The following ITGA8 variants were observed in gnomAD, a reference collection of about 807,000 sequenced individuals.
ITGA8 encodes integrin subunit alpha 8, also known as integrin alpha-8.
ITGA8 carries 91 observed loss-of-function variants against 142.3 expected under a neutral mutation model. The ratio of observed to expected loss-of-function variants is 0.64; its 90% CI spans 0.54 to 0.76. The LOEUF (loss-of-function observed/expected upper bound fraction) is 0.76. ITGA8 is among the 30% of genes least tolerant of loss of function. ITGA8 has a pLI of 0.00. For synonymous variants in ITGA8, 505 were observed against 485.2 expected, an observed-to-expected ratio of 1.04 and a Z score of -0.54; for missense variants, 1,406 against 1,327.7, an observed-to-expected ratio of 1.06 and a Z score of -0.92.
chr10:15,667,716 G>A (rs1834423604), intron 8 of ITGA8, among the ~76,000 whole-genome samples: 1 of 151,912 alleles, frequency 6.6e-6, no homozygotes, highest in Admixed American at 6.6e-5. Context: ...CTGGTATGTT[G>A]TGTCTTTGTT....
chr10:15,634,980 A>AAATATTT (rs1833746392), intron 13 of ITGA8, among the ~76,000 whole-genome samples: 1 of 151,326 alleles, frequency 6.6e-6, no homozygotes, highest in Non-Finnish European at 1.5e-5. Flanking sequence ...TAATTTCACT[A>AAATATTT]AATATTTTTT....
chr10:15,542,874 G>A (rs925467368), intron 27 of ITGA8, among the ~76,000 whole-genome samples: 11 of 152,196 alleles, frequency 7.2e-5, no homozygotes, highest in South Asian at 2.1e-4. Flanking sequence ...GCTACATGGC[G>A]ATCACTCAAT....
At chr10:15,647,954 T>C (rs1317515551) in intron 11 of ITGA8, among the ~76,000 whole-genome samples, 1 of 152,196 alleles carries the variant, frequency 6.6e-6, no homozygotes, top group Non-Finnish European at 1.5e-5. Flanking sequence ...AACTAATATG[T>C]AATTTTTAAG....
chr10:15,718,632 C>A, intron 2 of ITGA8, 134 bp downstream of exon 2: 1 of 1,098,480 alleles, frequency 9.1e-7, no homozygotes, highest in Non-Finnish European at 1.3e-6. Flanking sequence ...CTCTAGAGAC[C>A]CACATAGCCC....
Position 15,688,954 on chromosome 10 carries a change from C to T in ITGA8, c.344-916G>A, listed in dbSNP as rs117107528. Among the ~76,000 whole-genome samples, 1,013 of 152,262 alleles carry T rather than the reference C, an allele frequency of 6.7e-3. 5 individuals carry two copies. The highest frequency in any genetic ancestry group is 0.011 in the Non-Finnish European group (773 of 68,024). On this transcript the variant is annotated intron_variant, in intron 2 of 29. Transcript: ENST00000378076. The stretch of plus-strand genomic sequence containing the variant: ...GATCAGGAACAAATGCTCACTCTCC[C>T]CACTTCCATTCAACATAGAACTTTT...
intron 29 of ITGA8, among the ~76,000 whole-genome samples, chr10:15,518,992 T>C (rs1833009643): frequency 6.6e-6 from 1 of 152,188 alleles, no homozygotes; most frequent in African/African-American, 2.4e-5. Context: ...ACTCTAAGCA[T>C]ATTGGAAAGA....
intron 26 of ITGA8, among the ~76,000 whole-genome samples, chr10:15,553,567 C>A (rs546637208): frequency 6.6e-6 from 1 of 152,304 alleles, no homozygotes; most frequent in African/African-American, 2.4e-5. Flanking sequence ...ACCACCATCA[C>A]CTCCATCCAA....
intron 26 of ITGA8, among the ~76,000 whole-genome samples, chr10:15,551,397 C>T (rs904656483): frequency 2.0e-5 from 3 of 151,382 alleles, no homozygotes; most frequent in Non-Finnish European, 2.9e-5. Flanking sequence ...GGGATGTTTT[C>T]GGGGGAATTT....
intron 10 of ITGA8, among the ~76,000 whole-genome samples, chr10:15,658,296 C>G (rs1834223108): frequency 6.6e-6 from 1 of 152,148 alleles, no homozygotes; most frequent in South Asian, 2.1e-4. Flanking sequence ...TTACAGTGAC[C>G]TTCTTCCCAT....
rs59435924 is a variant in ITGA8 at position 15,586,049 on chromosome 10, A to ATT, written c.2372+533_2372+534dup. Among the ~76,000 whole-genome samples the ATT allele has an allele frequency of 4.8e-3, 371 of 76,820 alleles. 37 individuals are homozygous for ATT. Among genetic ancestry groups the ATT allele is most frequent in the African/African-American group, 0.01 (191 of 19,000 alleles). The allele number at this position is 76,820 out of a possible 152,430, so 50.4% of individuals were successfully genotyped here. On this transcript the variant is annotated intron_variant, in intron 23 of 29. Transcript: ENST00000378076. ...CACTGTCAATTTGGGGAATAAAGTG[A>ATT]TTTTTTTTTTTTTTTTTTTTTTTTT...
intron 21 of ITGA8, among the ~76,000 whole-genome samples, chr10:15,594,081 C>G (rs1316351304): frequency 6.6e-6 from 1 of 151,970 alleles, no homozygotes; most frequent in Non-Finnish European, 1.5e-5. Context: ...ACCTCATGAT[C>G]CGCCCGCCTT....
chr10:15,673,379 G>A (rs991647228), intron 6 of ITGA8, among the ~76,000 whole-genome samples: 8 of 152,012 alleles, frequency 5.3e-5, no homozygotes, highest in Admixed American at 1.3e-4. Flanking sequence ...CACAGCGCCC[G>A]GCCATGATGT....
intron 26 of ITGA8, among the ~76,000 whole-genome samples, chr10:15,555,468 C>T (rs1283196750): frequency 1.3e-5 from 2 of 152,180 alleles, no homozygotes; most frequent in Non-Finnish European, 2.9e-5. Context: ...GTCAGGACTG[C>T]GGACAGGGAA....
rs546228219 is a variant in ITGA8, at chr10:15,565,896, C to T, written c.2637+6315G>A. Among the ~76,000 whole-genome samples, 4 of 151,890 alleles carry T rather than the reference C, an allele frequency of 2.6e-5. No homozygotes were observed. In the South Asian group the frequency reaches 8.3e-4, roughly 32 times the overall value. On this transcript the variant is annotated intron_variant, in intron 25 of 29. Coordinates refer to ENST00000378076, the MANE Select transcript of ITGA8 (RefSeq NM_003638.3). The stretch of plus-strand genomic sequence containing the variant: ...TGAGCCACTGTGCCTAGCCATATGT[C>T]TTGATTTTTAAGGGTATGTGTGTGT...
chr10:15,567,854 G>T (rs1197919686), intron 25 of ITGA8, among the ~76,000 whole-genome samples: 2 of 152,146 alleles, frequency 1.3e-5, no homozygotes, highest in East Asian at 3.9e-4. Flanking sequence ...CCTAAGGGTT[G>T]AAAGTGTCAA....
chr10:15,644,536 C>T (rs1456455162), intron 12 of ITGA8, among the ~76,000 whole-genome samples: 2 of 131,444 alleles, frequency 1.5e-5, no homozygotes, highest in African/African-American at 2.9e-5. Context: ...GCTTTGTTGC[C>T]CAGGATGGTC....
intron 27 of ITGA8, among the ~76,000 whole-genome samples, chr10:15,539,734 G>C (rs1174609793): frequency 1.3e-5 from 2 of 152,152 alleles, no homozygotes; most frequent in African/African-American, 4.8e-5. Flanking sequence ...AATGTGTAAT[G>C]ATCAACTCAG....
intron 29 of ITGA8, among the ~76,000 whole-genome samples, chr10:15,517,936 T>C (rs1832993523): frequency 1.3e-5 from 2 of 152,252 alleles, no homozygotes; most frequent in Admixed American, 6.5e-5. Context: ...GATTGTCTCC[T>C]AAAGTATCCT....
At chr10:15,656,283 C>A (rs1055225980) in intron 10 of ITGA8, among the ~76,000 whole-genome samples, 1 of 152,116 alleles carries the variant, frequency 6.6e-6, no homozygotes, top group Non-Finnish European at 1.5e-5. Flanking sequence ...CAATTTGTAT[C>A]GTGCTCATAG....
Sources: gnomAD v4.1 joint callset for allele counts (sites outside exome capture counted in the v4.1 genomes callset) on GRCh38, gnomAD v4.1.1 for gene constraint, MANE v1.5 for transcripts, NCBI Gene and HGNC (gene_info 2026-07-23, HGNC 2026-07-21) for gene names.